Variants in SLC35F4 observed in about 807,000 individuals in gnomAD.
The protein encoded by SLC35F4 is solute carrier family 35 member F4, also known as chromosome 14 open reading frame 36.
Under a neutral mutation model 44.2 loss-of-function variants are expected in SLC35F4, and 24 were observed. The observed-to-expected ratio is 0.54, with a 90% CI of 0.39 to 0.76. SLC35F4 has a LOEUF of 0.76. Ranked by LOEUF, SLC35F4 falls within the 30% of genes least tolerant of loss-of-function variation. SLC35F4 has a pLI of 0.00. For missense variants in SLC35F4, 562 were observed against 586.1 expected, an observed-to-expected ratio of 0.96 and a Z score of 0.42; for synonymous variants, 238 against 223.6, an observed-to-expected ratio of 1.06 and a Z score of -0.57.
Position 57,783,727 on chromosome 14 carries a change from G to A in SLC35F4, c.103+81996C>T, listed in dbSNP as rs1885079876. On this transcript the variant is annotated intron_variant, in intron 1 of 7. Coordinates refer to ENST00000556826, the MANE Select transcript of SLC35F4 (RefSeq NM_001306087.2). ...AAAGTCCTTTTGACATAAGACAATG[G>A]CCCAGCCACCCAGAATCTCATGAGT... is the stretch of plus-strand genomic sequence containing the variant. Among the ~76,000 whole-genome samples, 6 of 152,208 alleles carry A rather than the reference G, an allele frequency of 3.9e-5. No homozygotes were observed. The South Asian group carries it at 1.0e-3, about 26-fold the overall frequency.
intron 1 of SLC35F4, among the ~76,000 whole-genome samples, chr14:57,924,419 G>A (rs2141060189): frequency 6.6e-6 from 1 of 152,004 alleles, no homozygotes; most frequent in South Asian, 2.1e-4. Context: ...ATGGGGGCAT[G>A]CCAGGCTCAT....
At chr14:57,635,949 A>G (rs1041261032) in intron 1 of SLC35F4, among the ~76,000 whole-genome samples, 5 of 152,280 alleles carry the variant, frequency 3.3e-5, no homozygotes, top group Non-Finnish European at 7.4e-5. Flanking sequence ...GCCTTAACTC[A>G]TAACTTCCTG....
intron 1 of SLC35F4, among the ~76,000 whole-genome samples, chr14:57,939,149 T>G (rs990805772): frequency 6.6e-6 from 1 of 151,818 alleles, no homozygotes; most frequent in Non-Finnish European, 1.5e-5. Flanking sequence ...GAAAAGATTT[T>G]GCTTTCCCAA....
chr14:57,567,547 G>A (rs554297568), intron 6 of SLC35F4, among the ~76,000 whole-genome samples: 2 of 152,350 alleles, frequency 1.3e-5, no homozygotes, highest in South Asian at 4.1e-4. Context: ...GAAACAGTGA[G>A]TTTGACTTTT....
intron 4 of SLC35F4, among the ~76,000 whole-genome samples, chr14:57,579,199 T>C (rs2069048987): frequency 1.3e-5 from 2 of 152,178 alleles, no homozygotes; most frequent in Admixed American, 1.3e-4. Context: ...GTTAATAATA[T>C]CTGCAAGGAC....
chr14:57,981,535 C>T (rs1393909091), intron 1 of SLC35F4, among the ~76,000 whole-genome samples: 3 of 152,064 alleles, frequency 2.0e-5, no homozygotes, highest in Non-Finnish European at 4.4e-5. Context: ...ACTTCATTCT[C>T]ATCTCAAAAT....
At chr14:57,856,212 C>T (rs147434232) in intron 1 of SLC35F4, among the ~76,000 whole-genome samples, 2,684 of 152,024 alleles carry the variant, frequency 0.018, 118 homozygotes, top group African/African-American at 0.057. Flanking sequence ...AGGAGAAATA[C>T]CTAATGTAGG....
chr14:57,646,928 G>A (rs78434311), intron 1 of SLC35F4, among the ~76,000 whole-genome samples: 28 of 152,204 alleles, frequency 1.8e-4, no homozygotes, highest in African/African-American at 4.3e-4. Flanking sequence ...GTAGTTGAGC[G>A]GTTTTGAGTG....
intron 1 of SLC35F4, among the ~76,000 whole-genome samples, chr14:57,611,176 A>T (rs1050575281): frequency 2.6e-5 from 4 of 152,214 alleles, no homozygotes; most frequent in African/African-American, 9.6e-5. Flanking sequence ...TAGGAACTAA[A>T]TGCAGGTTGG....
intron 6 of SLC35F4, among the ~76,000 whole-genome samples, chr14:57,567,525 G>C (rs764845908): frequency 2.6e-5 from 4 of 152,218 alleles, no homozygotes; most frequent in Non-Finnish European, 5.9e-5. Flanking sequence ...GTCACTTTGT[G>C]CTTGGTAGTT....
intron 1 of SLC35F4, among the ~76,000 whole-genome samples, chr14:57,726,428 T>C (rs1441943855): frequency 6.6e-6 from 1 of 152,200 alleles, no homozygotes; most frequent in African/African-American, 2.4e-5. Context: ...AGGACTGCAA[T>C]TGTCATTAAT....
At chr14:57,828,489 G>A (rs573089251) in intron 1 of SLC35F4, among the ~76,000 whole-genome samples, 8 of 152,260 alleles carry the variant, frequency 5.3e-5, no homozygotes, top group African/African-American at 1.9e-4. Context: ...CAGGCAATGG[G>A]TATATTTTAA....
chr14:57,758,278 A>G (rs2077043638), intron 1 of SLC35F4, among the ~76,000 whole-genome samples: 1 of 152,048 alleles, frequency 6.6e-6, no homozygotes. Context: ...GGTTTGGTAT[A>G]TGTGAACACT....
intron 1 of SLC35F4, among the ~76,000 whole-genome samples, chr14:57,714,417 T>G (rs1264350133): frequency 1.3e-5 from 2 of 152,212 alleles, no homozygotes; most frequent in Non-Finnish European, 2.9e-5. Context: ...AAACAAACTT[T>G]AAACTTAGGA....
intron 1 of SLC35F4, among the ~76,000 whole-genome samples, chr14:57,821,672 G>T (rs1178990291): frequency 6.6e-6 from 1 of 152,194 alleles, no homozygotes; most frequent in East Asian, 1.9e-4. Context: ...GCTGGGGAAG[G>T]TTGGTTAAAT....
chr14:57,898,279 C>A (rs1017710980), intron 1 of SLC35F4, among the ~76,000 whole-genome samples: 1 of 152,208 alleles, frequency 6.6e-6, no homozygotes, highest in Non-Finnish European at 1.5e-5. Flanking sequence ...TACATCTCTG[C>A]ATTTTCTGTT....
intron 1 of SLC35F4, among the ~76,000 whole-genome samples, chr14:57,619,362 C>A (rs1313558995): frequency 2.6e-5 from 4 of 152,036 alleles, no homozygotes; most frequent in Admixed American, 6.5e-5. Flanking sequence ...GCAATCTTTT[C>A]TGTTCTGCAG....
intron 1 of SLC35F4, among the ~76,000 whole-genome samples, chr14:57,685,588 C>T (rs2075042711): frequency 6.6e-6 from 1 of 152,146 alleles, no homozygotes; most frequent in African/African-American, 2.4e-5. Flanking sequence ...TCTTTCAGAG[C>T]AATGATGTGC....
intron 1 of SLC35F4, among the ~76,000 whole-genome samples, chr14:57,634,476 A>C (rs2072931141): frequency 6.6e-6 from 1 of 152,110 alleles, no homozygotes; most frequent in Non-Finnish European, 1.5e-5. Flanking sequence ...GTTTGAACTG[A>C]AAGATATGAA....
Sources: gnomAD v4.1 joint callset for allele counts (sites outside exome capture counted in the v4.1 genomes callset) on GRCh38, gnomAD v4.1.1 for gene constraint, MANE v1.5 for transcripts, NCBI Gene and HGNC (gene_info 2026-07-23, HGNC 2026-07-21) for gene names.